Variants in KNTC1 observed in about 807,000 individuals in gnomAD.
KNTC1 encodes kinetochore-associated protein 1.
In KNTC1, 253 loss-of-function variants were observed where a neutral mutation model predicts 314.4. The observed-to-expected ratio is 0.80, with a 90% CI of 0.73 to 0.89. The LOEUF (loss-of-function observed/expected upper bound fraction) is 0.89. KNTC1 is among the 40% of genes least tolerant of loss of function. The pLI, the probability that KNTC1 is intolerant of heterozygous loss-of-function variation, is 0.00. For synonymous variants in KNTC1, 901 were observed against 901.4 expected (o/e 1.00, Z 0.01); for missense variants, 2,475 against 2,572.9 (o/e 0.96, Z 0.82).
chr12:122,539,402 T>C (rs578259125), intron 4 of KNTC1, among the ~76,000 whole-genome samples: 1 of 152,326 alleles, frequency 6.6e-6, no homozygotes, highest in East Asian at 1.9e-4. Flanking sequence ...CCCGAATTCT[T>C]GGCTCTCACA....
rs779451118 is a variant in KNTC1 at position 122,587,877 on chromosome 12, A to G, written c.3894+3A>G. The G allele has an allele frequency of 5.6e-6, 9 of 1,612,322 alleles. No homozygotes were observed. Among genetic ancestry groups the G allele is most frequent in the Non-Finnish European group, 6.8e-6 (8 of 1,179,176 alleles). On this transcript the variant is annotated splice_donor_region_variant and intron_variant, in intron 39 of 63. Transcript: ENST00000333479. ...TGAATGCCACTTTGAGTGAAAAGGT[A>G]TAGTGTCAAGAACAAATACTTTGAC...
At position 122,587,810 on chromosome 12, in the gene KNTC1, G is replaced by C; in HGVS notation, c.3830G>C (p.Gly1277Ala). ...GAGCTAGCCCTAAGATTTGTGGTTG[G>C]TTCATTTGGTACCTGTCTTCAGCAC... ...QWELALRFVV[G>A]SFGTCLQHSV... The change falls in exon 39 of 64, where the codon GGT (glycine) becomes GCT (alanine). Residue 1277 changes from glycine (G) to alanine (A), a missense_variant. Gly to Ala is a moderately conservative substitution (Grantham distance 60, BLOSUM62 0). Transcript: ENST00000333479. 1 of 1,613,858 alleles carries C rather than the reference G, an allele frequency of 6.2e-7. No individual in the cohort carries two copies. Among genetic ancestry groups the C allele is most frequent in the South Asian group, 1.1e-5 (1 of 91,070 alleles).
intron 18 of KNTC1, among the ~76,000 whole-genome samples, chr12:122,559,296 T>C (rs557393420): frequency 2.8e-4 from 43 of 152,052 alleles, no homozygotes; most frequent in African/African-American, 1.0e-3. Context: ...TGCTTTGAGC[T>C]GAGATCGCGC....
Position 122,561,932 on chromosome 12 carries a change from A to G in KNTC1, c.1500A>G (p.Lys500=). ...LNYAKTRLLK[K]EDKTALIYSD... The stretch of plus-strand genomic sequence containing the variant: ...TTATTCTTACTTAGCTTTTGAAGAA[A>G]GAAGATAAAACTGCTCTCATTTATT... Residue 500 remains lysine (K), a synonymous_variant, in exon 19 of 64, where the codon AAA becomes AAG. Transcript: ENST00000333479. 1 of 1,584,682 alleles carries G rather than the reference A, an allele frequency of 6.3e-7. No individual in the cohort carries two copies. Among genetic ancestry groups the G allele is most frequent in the Non-Finnish European group, 8.6e-7 (1 of 1,156,714 alleles).
intron 18 of KNTC1, among the ~76,000 whole-genome samples, chr12:122,560,783 C>T (rs1379663983): frequency 6.6e-6 from 1 of 152,156 alleles, no homozygotes; most frequent in Non-Finnish European, 1.5e-5. Flanking sequence ...CCTTTGCTAA[C>T]ACTTTTTGTT....
chr12:122,617,266 A>G, intron 57 of KNTC1: 1 of 296,044 alleles, frequency 3.4e-6, no homozygotes, highest in Non-Finnish European at 6.9e-6. Flanking sequence ...CTCTATGTTT[A>G]GCCTTTTGAG....
chr12:122,556,917 C>CTTT (rs35101646), intron 16 of KNTC1, among the ~76,000 whole-genome samples: 3,000 of 88,152 alleles, frequency 0.034, 230 homozygotes, highest in African/African-American at 0.13. Context: ...AATTTTCCCT[C>CTTT]TTTTTTTTTT....
intron 3 of KNTC1, among the ~76,000 whole-genome samples, chr12:122,537,598 A>G (rs1961945268): frequency 6.6e-6 from 1 of 151,762 alleles, no homozygotes; most frequent in South Asian, 2.1e-4. Context: ...TTATATTTTT[A>G]GTAGAGACGG....
chr12:122,573,403 T>C (rs1964821747), intron 26 of KNTC1, 118 bp downstream of exon 26: 1 of 930,432 alleles, frequency 1.1e-6, no homozygotes, highest in Non-Finnish European at 1.6e-6. Context: ...ATGCAGCATA[T>C]TGAATTGGTT....
chr12:122,535,354 T>C lies in KNTC1; in HGVS notation c.250+570T>C, dbSNP rs533895701. On this transcript the variant is annotated intron_variant, in intron 3 of 63. Transcript: ENST00000333479. ...GCCTGGCCAACATGGTGAAACCCCA[T>C]TTCTACTAAAAATACAAAAATCACA... Among the ~76,000 whole-genome samples the C allele has an allele frequency of 3.9e-5, 6 of 152,112 alleles. No homozygotes were observed. The East Asian group carries it at 9.7e-4, about 25-fold the overall frequency.
At chr12:122,568,112 T>G (rs1964462134) in intron 20 of KNTC1, 149 bp from the exon 21 acceptor site, 1 of 578,590 alleles carries the variant, frequency 1.7e-6, no homozygotes, top group Non-Finnish European at 3.0e-6. Context: ...TTGCATTGTG[T>G]GATCTTTGGA....
chr12:122,534,308 G>A (rs1311986465), intron 2 of KNTC1, among the ~76,000 whole-genome samples: 3 of 152,050 alleles, frequency 2.0e-5, no homozygotes, highest in South Asian at 2.1e-4. Flanking sequence ...GTTCACCACC[G>A]TTCCCCTGCC....
intron 20 of KNTC1, among the ~76,000 whole-genome samples, chr12:122,566,757 G>GTT: frequency 8.9e-6 from 1 of 112,824 alleles, no homozygotes; most frequent in Non-Finnish European, 1.8e-5. Flanking sequence ...TGTCCAGGCT[G>GTT]GTTTTTTTTT....
chr12:122,565,810 G>A (rs1430393908), intron 20 of KNTC1, among the ~76,000 whole-genome samples: 1 of 152,080 alleles, frequency 6.6e-6, no homozygotes, highest in Non-Finnish European at 1.5e-5. Flanking sequence ...ACCTGAGCCT[G>A]GGAGGTCGAG....
chr12:122,623,349 A>G (rs1423827287), intron 62 of KNTC1, among the ~76,000 whole-genome samples: 1 of 152,234 alleles, frequency 6.6e-6, no homozygotes, highest in Non-Finnish European at 1.5e-5. Context: ...GTGGGCTGAC[A>G]CTAAAGAAAG....
chr12:122,561,767 T>A, intron 18 of KNTC1, among the ~76,000 whole-genome samples, 154 bp from the exon 19 acceptor site: 1 of 152,182 alleles, frequency 6.6e-6, no homozygotes. Flanking sequence ...TGCATTATTT[T>A]AAAAAACATG....
rs758719233 is a variant in KNTC1 at position 122,534,760 on chromosome 12, T to A, written c.226T>A (p.Ser76Thr). Residue 76 changes from serine (S) to threonine (T), a missense_variant, in exon 3 of 64, where the codon TCA becomes ACA. Coordinates refer to ENST00000333479, the MANE Select transcript of KNTC1 (RefSeq NM_014708.6). The stretch of plus-strand genomic sequence containing the variant: ...GATATTGCTTGACAGTATTTGTAGA[T>A]CACTTCAATTGCATCTTGTCTTTGG... ...SVILLDSICR[S>T]LQLHLVFDTE... 9 of 1,612,824 alleles carry A rather than the reference T, an allele frequency of 5.6e-6. No homozygotes were observed. The East Asian group carries it at 1.6e-4, about 28-fold the overall frequency.
At chr12:122,561,798 A>C in intron 18 of KNTC1, 123 bp from the exon 19 acceptor site, 1 of 686,322 alleles carries the variant, frequency 1.5e-6, no homozygotes, top group Non-Finnish European at 2.4e-6. Context: ...ATAGTTTACT[A>C]TTCATTTCAC....
intron 5 of KNTC1, among the ~76,000 whole-genome samples, chr12:122,540,175 G>GTTT (rs560388242): frequency 7.2e-6 from 1 of 138,212 alleles, no homozygotes; most frequent in African/African-American, 2.6e-5. Context: ...CATTTTTTCT[G>GTTT]TTTTTTTTTT....
Sources: allele counts gnomAD v4.1 joint callset (sites outside exome capture counted in the v4.1 genomes callset), GRCh38; gene constraint gnomAD v4.1.1; transcripts MANE v1.5; gene names NCBI Gene and HGNC (gene_info 2026-07-23, HGNC 2026-07-21).